PRH1: variants seen among roughly 807,000 people sequenced by gnomAD.
The protein encoded by PRH1 is salivary acidic proline-rich phosphoprotein 1/2.
A neutral mutation model predicts 7.9 loss-of-function variants in PRH1; 7 were observed. The ratio of observed to expected loss-of-function variants is 0.89; its 90% CI spans 0.50 to 1.67. The LOEUF (loss-of-function observed/expected upper bound fraction) is 1.67. Among genes scored for constraint, PRH1 ranks in the 40% most tolerant of loss-of-function variants. The pLI is 0.00. For missense variants in PRH1, 109 were observed against 223.6 expected (o/e 0.49, Z 3.27); for synonymous variants, 45 against 80.8 (o/e 0.56, Z 2.38).
chr12:11,074,841 T>C (rs1423017209), intron 1 of PRH1, among the ~76,000 whole-genome samples: 1 of 121,262 alleles, frequency 8.2e-6, no homozygotes, highest in Non-Finnish European at 1.9e-5. Context: ...CCCTTTTCTC[T>C]CTTCCATGGA....
In PRH1 at chr12:10,882,519, GTCCTTGTGGCTT is replaced by G. The variant is rs1315835776; in HGVS notation, c.268_279del (p.Lys90_Gly93del). 1.7e-6 allele frequency: 2 copies of G among 1,209,404 alleles called. No individual in the cohort carries two copies. The highest frequency in any genetic ancestry group is 3.1e-5 in the South Asian group (2 of 65,282). The allele number at this position is 1,209,404 out of a possible 1,614,324, so 74.9% of individuals were successfully genotyped here. A position where few individuals can be genotyped will look rare whatever the true frequency, so the allele number is the denominator to read the frequency against. ...TGCTGCTGGCCTCCTTGTTGGGGTG[GTCCTTGTGGCTT>G]TCCCTGAGGAGGTGGTGGACCTTGT... On this transcript the variant is annotated inframe_deletion, in exon 3 of 4. Transcript: ENST00000543626.
chr12:10,948,587 A>G (rs1950523103), intron 2 of PRH1, among the ~76,000 whole-genome samples: 3 of 152,176 alleles, frequency 2.0e-5, no homozygotes, highest in African/African-American at 7.2e-5. Flanking sequence ...CCAAATCTCA[A>G]TAATCTTTGT....
chr12:11,083,663 G>A (rs964032828), intron 1 of PRH1, among the ~76,000 whole-genome samples: 26 of 152,256 alleles, frequency 1.7e-4, no homozygotes, highest in African/African-American at 5.8e-4. Flanking sequence ...CTCCATATAC[G>A]CCTTCTTGTT....
At chr12:10,930,730 C>G (rs751293656) in intron 2 of PRH1, 1 of 1,613,718 alleles carries the variant, frequency 6.2e-7, no homozygotes, top group Non-Finnish European at 8.5e-7. Context: ...ACAGCAATCT[C>G]AACCCTCTGC....
rs184338818 is a variant in PRH1, at chr12:11,096,333, G to A, written n.124-49145C>T. Among the ~76,000 whole-genome samples the A allele has an allele frequency of 1.7e-5, 2 of 114,790 alleles. 1 individual carries two copies. Among genetic ancestry groups the A allele is most frequent in the South Asian group, 4.8e-4 (2 of 4,208 alleles). The allele number at this position is 114,790 out of a possible 152,430, so 75.3% of individuals were successfully genotyped here. A position where few individuals can be genotyped will look rare whatever the true frequency, so the allele number is the denominator to read the frequency against. ...TTCTTATGTTTAACTGGTTGTTAAC[G>A]CTATTGGATTCTCAAAATTGATGAC... On this transcript the variant is annotated intron_variant and non_coding_transcript_variant, in intron 1 of 4. Transcript: ENST00000541977.
chr12:11,054,827 G>A (rs1489773967), intron 1 of PRH1, among the ~76,000 whole-genome samples: 1 of 115,426 alleles, frequency 8.7e-6, no homozygotes, highest in Non-Finnish European at 1.7e-5. Context: ...TTTTGAGACG[G>A]AGTCTTGCTC....
chr12:11,106,656 G>A (rs974058884), intron 1 of PRH1, among the ~76,000 whole-genome samples: 2 of 82,964 alleles, frequency 2.4e-5, no homozygotes, highest in Non-Finnish European at 6.1e-5. Flanking sequence ...AAGAGGAATC[G>A]ATGTTAAAAT....
At chr12:10,956,594 A>G (rs1937974791) in intron 2 of PRH1, among the ~76,000 whole-genome samples, 1 of 152,160 alleles carries the variant, frequency 6.6e-6, no homozygotes, top group Admixed American at 6.6e-5. Context: ...GAAATAAATA[A>G]AAGGCATCCC....
chr12:11,137,980 A>C (rs1257399353), intron 1 of PRH1, among the ~76,000 whole-genome samples: 1 of 117,176 alleles, frequency 8.5e-6, no homozygotes, highest in Non-Finnish European at 2.0e-5. Context: ...TGATTCTTAT[A>C]TTATTCCAGC....
chr12:11,000,187 T>A (rs1019390078), intron 1 of PRH1, among the ~76,000 whole-genome samples: 3 of 152,146 alleles, frequency 2.0e-5, no homozygotes, highest in Non-Finnish European at 4.4e-5. Flanking sequence ...GCTATTTGCA[T>A]ATATCTTATC....
intron 1 of PRH1, among the ~76,000 whole-genome samples, chr12:11,045,471 G>T (rs1942870363): frequency 6.6e-6 from 1 of 152,020 alleles, no homozygotes; most frequent in South Asian, 2.1e-4. Flanking sequence ...TGTTTGAGGG[G>T]ATGGCTACCC....
intron 1 of PRH1, among the ~76,000 whole-genome samples, chr12:10,988,070 G>T (rs1357316931): frequency 6.6e-6 from 1 of 152,134 alleles, no homozygotes; most frequent in Non-Finnish European, 1.5e-5. Context: ...AACTAATGGA[G>T]TCAGTTTGCC....
At chr12:11,066,436 C>T (rs141138671) in intron 1 of PRH1, among the ~76,000 whole-genome samples, 133 of 152,018 alleles carry the variant, frequency 8.7e-4, no homozygotes, top group Non-Finnish European at 1.5e-3. Context: ...TTAGTTTAAG[C>T]TCATCTATAA....
In PRH1 at chr12:10,911,488, G is replaced by A. The variant is rs531425135; in HGVS notation, c.-58-27213C>T. 9.3e-4 allele frequency among the ~76,000 whole-genome samples: 141 copies of A among 152,266 alleles called. 1 individual carries two copies. Among genetic ancestry groups the A allele is most frequent in the Non-Finnish European group, 1.9e-3 (127 of 67,988 alleles). Reference sequence around the variant, plus strand: ...CACAGAAAAACTTTTTCAGCAGTCTGAACTGAAAAGGAAAATGAGGCAAAG... The same window carrying A: ...CACAGAAAAACTTTTTCAGCAGTCTAAACTGAAAAGGAAAATGAGGCAAAG... On this transcript the variant is annotated intron_variant, in intron 2 of 3. Transcript: ENST00000539853.
intron 1 of PRH1, among the ~76,000 whole-genome samples, chr12:11,170,799 T>C (rs1410222901): frequency 2.6e-5 from 4 of 152,246 alleles, no homozygotes; most frequent in Non-Finnish European, 5.9e-5. Flanking sequence ...TAAATATTCC[T>C]AATAAATAGA....
Position 11,085,328 on chromosome 12 carries a change from A to G in PRH1, n.124-38140T>C, listed in dbSNP as rs72477441. 4.4e-4 allele frequency among the ~76,000 whole-genome samples: 66 copies of G among 148,348 alleles called. No individual in the cohort carries two copies. In the East Asian group the frequency reaches 0.011, roughly 25 times the overall value. ...TCCTTAAAAGGACTCAAAGAAAATA[A>G]TATGTTGAAATATCAAAATAGTCTT... is the stretch of plus-strand genomic sequence containing the variant. On this transcript the variant is annotated intron_variant and non_coding_transcript_variant, in intron 1 of 4. Coordinates refer to the PRH1 transcript ENST00000541977.
intron 2 of PRH1, among the ~76,000 whole-genome samples, chr12:10,959,312 G>A (rs1353894291): frequency 7.1e-6 from 1 of 141,694 alleles, no homozygotes; most frequent in Non-Finnish European, 1.5e-5. Flanking sequence ...GCATCCAAAT[G>A]AAGATGTCAA....
In PRH1 at chr12:10,994,239, G is replaced by A. The variant is rs537606716; in HGVS notation, c.-125-20518C>T. Among the ~76,000 whole-genome samples the A allele has an allele frequency of 3.9e-5, 6 of 152,316 alleles. No individual in the cohort carries two copies. The East Asian group carries it at 5.8e-4, about 15-fold the overall frequency. Reference sequence around the variant, plus strand: ...TGGATCACCACATTGTGGGCATGAGGTCTGACTTTCATAACCTCCATCAAG... The same window carrying A: ...TGGATCACCACATTGTGGGCATGAGATCTGACTTTCATAACCTCCATCAAG... On this transcript the variant is annotated intron_variant, in intron 1 of 3. Coordinates refer to the PRH1 transcript ENST00000539853.
intron 1 of PRH1, among the ~76,000 whole-genome samples, chr12:10,981,194 T>C (rs1183029451): frequency 2.0e-5 from 3 of 152,084 alleles, no homozygotes; most frequent in African/African-American, 7.2e-5. Context: ...GTATCATATG[T>C]TGCTTTCTCA....
Sources: gnomAD v4.1 joint callset for allele counts (sites outside exome capture counted in the v4.1 genomes callset) on GRCh38, gnomAD v4.1.1 for gene constraint, MANE v1.5 for transcripts, NCBI Gene and HGNC (gene_info 2026-07-23, HGNC 2026-07-21) for gene names.